Variants in SYNE3 observed in about 807,000 individuals in gnomAD.
SYNE3 encodes the protein spectrin repeat containing nuclear envelope family member 3, also known as nesprin-3.
SYNE3 carries 100 observed loss-of-function variants against 111.2 expected under a neutral mutation model. The ratio of observed to expected loss-of-function variants is 0.90; its 90% CI spans 0.77 to 1.06. The LOEUF is 1.06. Ranked by LOEUF, SYNE3 falls within the 50% of genes least tolerant of loss-of-function variation. The pLI is 0.00. For synonymous variants in SYNE3, 547 were observed against 533.9 expected, an observed-to-expected ratio of 1.02 and a Z score of -0.34; for missense variants, 1,160 against 1,240.3, an observed-to-expected ratio of 0.94 and a Z score of 0.97.
chr14:95,512,940 T>C (rs6575518), intron 1 of SYNE3, among the ~76,000 whole-genome samples: 11,287 of 152,178 alleles, frequency 0.074, 1,302 homozygotes, highest in African/African-American at 0.25. Flanking sequence ...CAGAACATAA[T>C]GGATCCCACT....
intron 1 of SYNE3, among the ~76,000 whole-genome samples, chr14:95,501,396 G>T (rs1890329516): frequency 6.6e-6 from 1 of 152,216 alleles, no homozygotes; most frequent in South Asian, 2.1e-4. Context: ...AGAGGAGCTG[G>T]TGACTGAGGG....
At position 95,450,570 on chromosome 14, in the gene SYNE3, G is replaced by A. The variant is rs150154268; in HGVS notation, c.1275-465C>T. On this transcript the variant is annotated intron_variant, in intron 7 of 17. Coordinates refer to ENST00000682763, the MANE Select transcript of SYNE3 (RefSeq NM_152592.6). Reference sequence around the variant, plus strand: ...TGCATGCCTGTAGTCCTAGCTACTCGGGAGGCTGAGGTAGGAGGATTGCTT... The same window carrying A: ...TGCATGCCTGTAGTCCTAGCTACTCAGGAGGCTGAGGTAGGAGGATTGCTT... 5.3e-3 allele frequency: 823 copies of A among 154,418 alleles called. 9 individuals are homozygous for A. The highest frequency in any genetic ancestry group is 0.018 in the African/African-American group (744 of 41,592). The allele number at this position is 154,418 out of a possible 1,614,324, so 9.6% of individuals were successfully genotyped here.
intron 17 of SYNE3, among the ~76,000 whole-genome samples, chr14:95,425,252 A>G (rs901886408): frequency 5.3e-5 from 8 of 152,152 alleles, no homozygotes; most frequent in African/African-American, 1.9e-4. Context: ...TCAAAAAAAA[A>G]AAAGAAAAGA....
intron 4 of SYNE3, among the ~76,000 whole-genome samples, chr14:95,462,521 G>A (rs149274431): frequency 1.3e-5 from 2 of 152,338 alleles, no homozygotes; most frequent in African/African-American, 4.8e-5. Context: ...CATGGAGGGA[G>A]TCTCCCCCTC....
chr14:95,451,173 G>C (rs1444540501), intron 7 of SYNE3: 3 of 152,142 alleles, frequency 2.0e-5, no homozygotes, highest in Non-Finnish European at 4.4e-5. Context: ...ATGCCCTCAG[G>C]ATAAAAGTGC....
At chr14:95,436,769 C>A in intron 15 of SYNE3, 51 bp downstream of exon 15, 1 of 1,594,322 alleles carries the variant, frequency 6.3e-7, no homozygotes. Context: ...GTGGCAAATG[C>A]CTCTGTGGGT....
intron 4 of SYNE3, among the ~76,000 whole-genome samples, chr14:95,461,625 G>A (rs1277549182): frequency 6.6e-6 from 1 of 152,180 alleles, no homozygotes; most frequent in Non-Finnish European, 1.5e-5. Context: ...TTGGAGCAGT[G>A]GCCTGTTCTA....
At chr14:95,440,106 C>T in intron 11 of SYNE3, 31 bp from the exon 12 acceptor site, 17 of 1,561,494 alleles carry the variant, frequency 1.1e-5, no homozygotes, top group Non-Finnish European at 1.4e-5. Context: ...CCCAGGGCAT[C>T]CTGAGTGCTG....
chr14:95,454,121 G>C (rs1341892831), intron 6 of SYNE3, among the ~76,000 whole-genome samples: 1 of 152,256 alleles, frequency 6.6e-6, no homozygotes, highest in East Asian at 1.9e-4. Context: ...CCCGTCAGCA[G>C]AGGGATAACA....
chr14:95,513,206 C>T (rs1890784821), intron 1 of SYNE3, among the ~76,000 whole-genome samples: 1 of 152,170 alleles, frequency 6.6e-6, no homozygotes, highest in Non-Finnish European at 1.5e-5. Context: ...TAATGCTTGG[C>T]TTTTATTTAA....
intron 1 of SYNE3, among the ~76,000 whole-genome samples, chr14:95,483,660 C>G (rs988467544): frequency 6.6e-6 from 1 of 152,186 alleles, no homozygotes; most frequent in East Asian, 1.9e-4. Context: ...AACGGTAGCG[C>G]CCATGCATTA....
chr14:95,444,719 G>A (rs538551328), intron 9 of SYNE3, 91 bp from the exon 10 acceptor site: 58 of 1,442,686 alleles, frequency 4.0e-5, no homozygotes, highest in South Asian at 8.9e-5. Context: ...GCTGCTCTTC[G>A]TCTCGGCCAG....
chr14:95,434,103 G>A (rs1885950487), intron 15 of SYNE3, among the ~76,000 whole-genome samples: 1 of 152,022 alleles, frequency 6.6e-6, no homozygotes, highest in Non-Finnish European at 1.5e-5. Flanking sequence ...GAGAGGAGTA[G>A]CCAGATATGA....
chr14:95,466,910 A>C (rs8012028), intron 3 of SYNE3, among the ~76,000 whole-genome samples: 21,608 of 152,126 alleles, frequency 0.14, 2,320 homozygotes, highest in African/African-American at 0.3. Flanking sequence ...ATGCTGCCCC[A>C]CTGACATCTG....
chr14:95,500,929 C>A lies in SYNE3; in HGVS notation c.-15+15667G>T, dbSNP rs1890312060. ...TTGCTTCCCACACCAGGCACAAAAT[C>A]CCGTCTGACTTTCTAAAATATTTTC... On this transcript the variant is annotated intron_variant, in intron 1 of 17. Coordinates refer to ENST00000682763, the MANE Select transcript of SYNE3 (RefSeq NM_152592.6). The surrounding 1 kb of genome is among the most constrained non-coding windows in gnomAD (Gnocchi z 4.7). Among the ~76,000 whole-genome samples, 1 of 152,226 alleles carries A rather than the reference C, an allele frequency of 6.6e-6. No homozygotes were observed.
intron 6 of SYNE3, 149 bp from the exon 7 acceptor site, chr14:95,452,532 C>T (rs781104263): frequency 7.8e-5 from 72 of 928,490 alleles, no homozygotes; most frequent in Non-Finnish European, 1.0e-4. Context: ...CACTCTTGAG[C>T]TCAGCCCCTA....
chr14:95,454,108 G>A (rs1887260963), intron 6 of SYNE3, among the ~76,000 whole-genome samples: 1 of 152,262 alleles, frequency 6.6e-6, no homozygotes, highest in African/African-American at 2.4e-5. Context: ...TGAGGGTCCT[G>A]TTCCCGTCAG....
Position 95,418,030 on chromosome 14 carries a change from C to G in SYNE3, c.2728-4G>C, listed in dbSNP as rs371488280. The stretch of plus-strand genomic sequence containing the variant: ...CCAGTCCTCGCCACCGCCGAGTCTG[C>G]GGAACCAACACAGCACAGGTGAGTG... On this transcript the variant is annotated splice_polypyrimidine_tract_variant and splice_region_variant and intron_variant, in intron 17 of 17. Coordinates refer to ENST00000682763, the MANE Select transcript of SYNE3 (RefSeq NM_152592.6). The G allele has an allele frequency of 6.2e-7, 1 of 1,607,392 alleles. No homozygotes were observed.
intron 17 of SYNE3, among the ~76,000 whole-genome samples, chr14:95,418,882 G>A (rs574380150): frequency 6.6e-6 from 1 of 152,110 alleles, no homozygotes; most frequent in Non-Finnish European, 1.5e-5. Flanking sequence ...GATTATAGGT[G>A]TGAGCCACCG....
Sources: gnomAD v4.1 joint callset for allele counts (sites outside exome capture counted in the v4.1 genomes callset) on GRCh38, gnomAD v4.1.1 for gene constraint, Gnocchi (gnomAD v3.1) non-coding constraint, MANE v1.5 for transcripts, NCBI Gene and HGNC (gene_info 2026-07-23, HGNC 2026-07-21) for gene names.